The following IARS1 variants were observed in gnomAD, a reference collection of about 807,000 sequenced individuals.
IARS1 encodes isoleucyl-tRNA synthetase 1, also known as isoleucine--tRNA ligase, cytoplasmic.
Under a neutral mutation model 168.2 loss-of-function variants are expected in IARS1, and 124 were observed. The ratio of observed to expected loss-of-function variants is 0.74; its 90% CI spans 0.64 to 0.86. The LOEUF is 0.86. IARS1 is among the 40% of genes least tolerant of loss of function. The probability of loss-of-function intolerance (pLI) is 0.00; values close to 1 mark genes in which losing one functional copy is unlikely to be tolerated. For missense variants in IARS1, 1,452 were observed against 1,515.8 expected (o/e 0.96, Z 0.70); for synonymous variants, 532 against 529.4 (o/e 1.00, Z -0.07).
intron 17 of IARS1, among the ~76,000 whole-genome samples, chr9:92,262,750 AAT>A (rs1256470783): frequency 5.3e-5 from 8 of 152,244 alleles, no homozygotes; most frequent in Non-Finnish European, 1.2e-4. Context: ...TATTACTAGT[AAT>A]ATCACTAGTA....
intron 30 of IARS1, among the ~76,000 whole-genome samples, chr9:92,236,798 G>A (rs2133559161): frequency 6.6e-6 from 1 of 152,336 alleles, no homozygotes; most frequent in South Asian, 2.1e-4. Context: ...GCAGTGAGCT[G>A]AGTTGGCATC....
chr9:92,269,165 G>A (rs981977641), intron 13 of IARS1, among the ~76,000 whole-genome samples: 1 of 152,262 alleles, frequency 6.6e-6, no homozygotes, highest in African/African-American at 2.4e-5. Context: ...ACTCTGCTAA[G>A]AAATATTAGA....
At chr9:92,216,092 G>A (rs1187526210) in intron 33 of IARS1, among the ~76,000 whole-genome samples, 1 of 151,562 alleles carries the variant, frequency 6.6e-6, no homozygotes, top group Non-Finnish European at 1.5e-5. Context: ...AACCCTACAA[G>A]CCAGAAGAGA....
rs758471756 is a variant in IARS1 at position 92,250,151 on chromosome 9, G to T, written c.2532+36C>A. ...CATTCCAAACACTTAATTAATTTAGGTCTGTGCCATGTAAAATAGAAGTAA... is the reference window on the plus strand; with the variant it reads ...CATTCCAAACACTTAATTAATTTAGTTCTGTGCCATGTAAAATAGAAGTAA... On this transcript the variant is annotated intron_variant, in intron 24 of 33. Coordinates refer to ENST00000443024, the MANE Select transcript of IARS1 (RefSeq NM_002161.6). 6.2e-6 allele frequency: 8 copies of T among 1,284,662 alleles called. No homozygotes were observed. The South Asian group carries it at 9.5e-5, about 15-fold the overall frequency. 79.6% of individuals were successfully genotyped at this position (1,284,662 alleles called of 1,614,324 possible).
At chr9:92,214,724 A>G (rs892447331) in intron 33 of IARS1, among the ~76,000 whole-genome samples, 2 of 152,148 alleles carry the variant, frequency 1.3e-5, no homozygotes, top group Non-Finnish European at 2.9e-5. Flanking sequence ...GGGCTTAAAA[A>G]ACGGCGCACC....
intron 30 of IARS1, among the ~76,000 whole-genome samples, chr9:92,235,398 C>T (rs937179116): frequency 1.5e-4 from 23 of 151,936 alleles, no homozygotes; most frequent in Admixed American, 4.6e-4. Context: ...TCATCTCTTC[C>T]TATTTTTGTG....
chr9:92,278,254 C>T lies in IARS1; in HGVS notation c.778G>A (p.Glu260Lys). The change falls in exon 8 of 34, where the codon GAA becomes AAA. Residue 260 changes from glutamate (E) to lysine (K), a missense_variant. By Grantham distance (56) the Glu-to-Lys change is moderately conservative. Transcript: ENST00000443024. The part of the protein sequence containing the change: ...VARGRLLILM[E>K]ARLSALYKLE... ...TTATAGAGGGCTGACAATCTGGCTT[C>T]CATTAAAATGAGTAATCGTCCTCTG... 1.9e-6 allele frequency: 3 copies of T among 1,612,642 alleles called. No individual in the cohort carries two copies. The highest frequency in any genetic ancestry group is 1.3e-5 in the African/African-American group (1 of 75,022).
rs1437745188 is a variant in IARS1, at chr9:92,288,160, C to T, written c.242G>A (p.Arg81Lys). The change falls in exon 3 of 34, where the codon AGA becomes AAA. Residue 81 changes from arginine (R) to lysine (K), a missense_variant. Arg to Lys is a conservative substitution (Grantham distance 26). Coordinates refer to ENST00000443024, the MANE Select transcript of IARS1 (RefSeq NM_002161.6). ...YAHQSGFHVD[R>K]RFGWDCHGLP... ...GCCATGGCAATCCCATCCAAATCTT[C>T]TGTCAACATGAAACCCACTCTGGTG... 2 of 1,613,912 alleles carry T rather than the reference C, an allele frequency of 1.2e-6. No homozygotes were observed. Among genetic ancestry groups the T allele is most frequent in the Non-Finnish European group, 1.7e-6 (2 of 1,179,948 alleles).
rs1302590871 is a variant in IARS1 at position 92,250,255 on chromosome 9, C to T, written c.2464G>A (p.Val822Ile). The T allele has an allele frequency of 2.5e-6, 4 of 1,610,350 alleles. No homozygotes were observed. The highest frequency in any genetic ancestry group is 2.7e-5 in the African/African-American group (2 of 74,848). The change falls in exon 24 of 34, where the codon GTA becomes ATA. Residue 822 changes from valine (V) to isoleucine (I), a missense_variant. Val to Ile is a conservative substitution (Grantham distance 29). Coordinates refer to ENST00000443024, the MANE Select transcript of IARS1 (RefSeq NM_002161.6). The stretch of plus-strand genomic sequence containing the variant: ...TCAATCACAGACTGCATCTGAGATA[C>T]TGCACTCTCTGTTTTCTTGTCAATC... ...ELIDKKTESA[V>I]SQMQSVIELG...
chr9:92,220,019 A>T (rs1587697038), intron 33 of IARS1, among the ~76,000 whole-genome samples: 2 of 147,182 alleles, frequency 1.4e-5, no homozygotes, highest in Non-Finnish European at 1.5e-5. Context: ...GAACCAACCC[A>T]AATGTCCAAC....
chr9:92,227,505 G>A (rs1019885642), intron 31 of IARS1, among the ~76,000 whole-genome samples: 5 of 149,476 alleles, frequency 3.3e-5, no homozygotes, highest in Admixed American at 3.3e-4. Context: ...CCCAGTAGGG[G>A]CAGCCGGGCA....
chr9:92,227,012 C>T (rs375138305), intron 31 of IARS1, among the ~76,000 whole-genome samples: 4 of 136,360 alleles, frequency 2.9e-5, no homozygotes, highest in East Asian at 2.1e-4. Flanking sequence ...TGACTCTTAA[C>T]GAGCATGCTG....
At chr9:92,252,556 C>T (rs1343649360) in intron 21 of IARS1, among the ~76,000 whole-genome samples, 1 of 151,862 alleles carries the variant, frequency 6.6e-6, no homozygotes, top group African/African-American at 2.4e-5. Flanking sequence ...CACCTGAGGT[C>T]AGGAGTTTGA....
chr9:92,266,072 G>C (rs770658462), intron 14 of IARS1, among the ~76,000 whole-genome samples: 1 of 152,148 alleles, frequency 6.6e-6, no homozygotes. Context: ...AAGAGGCCAG[G>C]GTTGCCACTG....
intron 6 of IARS1, among the ~76,000 whole-genome samples, chr9:92,283,378 C>T (rs557684706): frequency 1.3e-5 from 2 of 152,302 alleles, no homozygotes; most frequent in East Asian, 3.9e-4. Context: ...TGGTGGCTCA[C>T]GCCTGTAAAA....
At chr9:92,240,833 C>A (rs760506058) in intron 30 of IARS1, 23 bp downstream of exon 30, 2 of 1,481,858 alleles carry the variant, frequency 1.3e-6, no homozygotes, top group Non-Finnish European at 1.9e-6. Context: ...AAAAGTCACA[C>A]AAATCATGGA....
intron 31 of IARS1, among the ~76,000 whole-genome samples, chr9:92,225,648 G>C (rs1238369083): frequency 1.3e-5 from 2 of 150,786 alleles, no homozygotes; most frequent in Non-Finnish European, 2.9e-5. Context: ...ATGTATAGAT[G>C]TCAAGATCAC....
chr9:92,278,760 A>G (rs1834111130), intron 7 of IARS1, among the ~76,000 whole-genome samples: 1 of 152,208 alleles, frequency 6.6e-6, no homozygotes, highest in African/African-American at 2.4e-5. Context: ...CTGATTTTGT[A>G]GCTTTTCACT....
At chr9:92,224,014 A>C (rs1310268182) in intron 31 of IARS1, among the ~76,000 whole-genome samples, 1 of 152,218 alleles carries the variant, frequency 6.6e-6, no homozygotes, top group Non-Finnish European at 1.5e-5. Context: ...CAGCCTCCAA[A>C]TATTGAGTGG....
Sources: gnomAD v4.1 joint callset for allele counts (sites outside exome capture counted in the v4.1 genomes callset) on GRCh38, gnomAD v4.1.1 for gene constraint, MANE v1.5 for transcripts, NCBI Gene and HGNC (gene_info 2026-07-23, HGNC 2026-07-21) for gene names.